Variants in MYO5A observed in about 807,000 individuals in gnomAD.
The protein encoded by MYO5A is myosin VA, also known as unconventional myosin-Va.
A neutral mutation model predicts 249.7 loss-of-function variants in MYO5A; 98 were observed. That is an observed-to-expected ratio of 0.39 (90% CI 0.33 to 0.46). The LOEUF is 0.46. Ranked by LOEUF, MYO5A falls within the 20% of genes least tolerant of loss-of-function variation. The pLI is 0.98. For missense variants in MYO5A, 1,696 were observed against 2,308.8 expected, an observed-to-expected ratio of 0.73 and a Z score of 5.44; for synonymous variants, 778 against 810.6, an observed-to-expected ratio of 0.96 and a Z score of 0.68.
At chr15:52,498,157 AT>A (rs2077080566) in intron 1 of MYO5A, among the ~76,000 whole-genome samples, 1 of 152,166 alleles carries the variant, frequency 6.6e-6, no homozygotes, top group Admixed American at 6.5e-5. Context: ...AAAACCAAAA[AT>A]TAATTATTTA....
intron 1 of MYO5A, among the ~76,000 whole-genome samples, chr15:52,513,120 G>A (rs2077426602): frequency 6.7e-6 from 1 of 148,960 alleles, no homozygotes; most frequent in Non-Finnish European, 1.5e-5. Context: ...AAGATCGTAA[G>A]TCTTAATCAC....
chr15:52,492,943 C>CA (rs2076963781), intron 1 of MYO5A, among the ~76,000 whole-genome samples: 2 of 152,202 alleles, frequency 1.3e-5, no homozygotes, highest in South Asian at 4.2e-4. Flanking sequence ...GGAGAAAACT[C>CA]AGAGATAGTG....
intron 1 of MYO5A, among the ~76,000 whole-genome samples, chr15:52,515,530 C>T (rs532070898): frequency 6.6e-6 from 1 of 152,308 alleles, no homozygotes; most frequent in East Asian, 1.9e-4. Flanking sequence ...ATTCTAAGTG[C>T]TTCCCATGTA....
chr15:52,362,744 T>G (rs1028474191), intron 24 of MYO5A, among the ~76,000 whole-genome samples: 1 of 152,166 alleles, frequency 6.6e-6, no homozygotes, highest in East Asian at 1.9e-4. Flanking sequence ...GCAGGCAGAC[T>G]TGCTTAGCAG....
intron 5 of MYO5A, among the ~76,000 whole-genome samples, chr15:52,411,667 A>C (rs1312032462): frequency 6.6e-6 from 1 of 152,246 alleles, no homozygotes; most frequent in East Asian, 1.9e-4. Flanking sequence ...TAGTAAATTG[A>C]AACCACAGCA....
intron 1 of MYO5A, among the ~76,000 whole-genome samples, chr15:52,446,771 G>T (rs1347663636): frequency 1.3e-5 from 2 of 152,222 alleles, no homozygotes; most frequent in African/African-American, 4.8e-5. Flanking sequence ...TGCCCTGGAT[G>T]GGACGTGTAG....
intron 1 of MYO5A, among the ~76,000 whole-genome samples, chr15:52,472,991 T>C (rs1226510827): frequency 1.3e-5 from 2 of 152,258 alleles, no homozygotes; most frequent in Admixed American, 6.5e-5. Flanking sequence ...ATGGTTGAAC[T>C]AGTTTATAGT....
intron 16 of MYO5A, among the ~76,000 whole-genome samples, chr15:52,381,658 T>C (rs1391130103): frequency 4.6e-5 from 7 of 152,244 alleles, no homozygotes; most frequent in Non-Finnish European, 4.4e-5. Flanking sequence ...GTAGCCATTA[T>C]ATGATTATGT....
intron 30 of MYO5A, among the ~76,000 whole-genome samples, chr15:52,345,456 G>A (rs2039574923): frequency 6.6e-6 from 1 of 151,838 alleles, no homozygotes; most frequent in African/African-American, 2.4e-5. Flanking sequence ...GTGGTGGTGG[G>A]CACCTATAAT....
At position 52,345,646 on chromosome 15, in the gene MYO5A, C is replaced by A. The variant is rs929341107; in HGVS notation, c.3959+715G>T. On this transcript the variant is annotated intron_variant, in intron 30 of 41. Transcript: ENST00000399233. ...GAAAAAAGTCTGTACATGTTCAGTA[C>A]AAATGTAATTTAAAAAATATTTTCC... Among the ~76,000 whole-genome samples the A allele has an allele frequency of 1.3e-4, 20 of 151,628 alleles. No individual in the cohort carries two copies. The South Asian group carries it at 1.7e-3, about 13-fold the overall frequency.
At chr15:52,441,065 C>A (rs1567129649) in intron 1 of MYO5A, among the ~76,000 whole-genome samples, 1 of 152,116 alleles carries the variant, frequency 6.6e-6, no homozygotes, top group Admixed American at 6.5e-5. Flanking sequence ...TCACCAGTAC[C>A]CCCTCCTCTG....
chr15:52,367,723 T>C, intron 22 of MYO5A, among the ~76,000 whole-genome samples: 1 of 152,160 alleles, frequency 6.6e-6, no homozygotes, highest in East Asian at 1.9e-4. Context: ...CATCTCCCTT[T>C]AAGAGTTTTA....
chr15:52,437,047 G>A (rs1385944888), intron 1 of MYO5A, among the ~76,000 whole-genome samples: 1 of 152,232 alleles, frequency 6.6e-6, no homozygotes, highest in East Asian at 1.9e-4. Flanking sequence ...GGTTGTTACT[G>A]TTTTTCCCAT....
chr15:52,408,925 C>T (rs13329087), intron 6 of MYO5A, among the ~76,000 whole-genome samples: 1,968 of 152,166 alleles, frequency 0.013, 34 homozygotes, highest in African/African-American at 0.046. Flanking sequence ...ACCAGTATAC[C>T]AATGACCACA....
chr15:52,322,000 A>G (rs940441211), intron 37 of MYO5A, among the ~76,000 whole-genome samples: 5 of 152,244 alleles, frequency 3.3e-5, no homozygotes, highest in Middle Eastern at 3.4e-3. Context: ...TCTTTACTCT[A>G]TTTCGTAGTA....
At chr15:52,440,916 C>T (rs146049015) in intron 1 of MYO5A, among the ~76,000 whole-genome samples, 4,397 of 152,272 alleles carry the variant, frequency 0.029, 85 homozygotes, top group South Asian at 0.042. Flanking sequence ...AATTCAGAAT[C>T]GGCCATGGCT....
chr15:52,468,011 GA>G (rs1214703620), intron 1 of MYO5A, among the ~76,000 whole-genome samples: 2 of 152,044 alleles, frequency 1.3e-5, no homozygotes, highest in Admixed American at 1.3e-4. Context: ...ATAGGCAAAA[GA>G]AAAAAACAGG....
At chr15:52,373,954 AAAATAAATAAATAAAT>A (rs10692704) in intron 20 of MYO5A, among the ~76,000 whole-genome samples, 1 of 148,220 alleles carries the variant, frequency 6.7e-6, no homozygotes, top group African/African-American at 2.5e-5. Context: ...ACTTCAAATA[AAAATAAATAAATAAAT>A]AAATAAATAA....
rs774614542 is a variant in MYO5A, at chr15:52,433,206, T to G, written c.107A>C (p.Lys36Thr). ...ELLKDYKPGD[K>T]VLLLHLEEGK... ...TTCCTCGAGGTGAAGCAGGAGGACT[T>G]TATCTCCTGGCTTATAATCTTTGAG... The change falls in exon 2 of 42, where the codon AAA becomes ACA. Residue 36 changes from lysine (K) to threonine (T), a missense_variant. Around this residue, in one of 5 missense-constraint regions of MYO5A, gnomAD observed 197 missense variants for 320.3 expected, o/e 0.62. Transcript: ENST00000399233. The G allele has an allele frequency of 1.2e-6, 2 of 1,613,354 alleles. No homozygotes were observed. Among genetic ancestry groups the G allele is most frequent in the South Asian group, 2.2e-5 (2 of 91,078 alleles).
Sources: allele counts gnomAD v4.1 joint callset (sites outside exome capture counted in the v4.1 genomes callset), GRCh38; gene constraint gnomAD v4.1.1; regional missense constraint gnomAD v4.1.1; transcripts MANE v1.5; gene names NCBI Gene and HGNC (gene_info 2026-07-23, HGNC 2026-07-21).